The following ADCY2 variants were observed in gnomAD, a reference collection of about 807,000 sequenced individuals.
ADCY2 encodes adenylate cyclase 2.
Under a neutral mutation model 125.2 loss-of-function variants are expected in ADCY2, and 31 were observed. The ratio of observed to expected loss-of-function variants is 0.25; its 90% CI spans 0.19 to 0.33. ADCY2 has a LOEUF of 0.33. ADCY2 is among the 10% of genes least tolerant of loss of function. ADCY2 has a pLI of 1.00. For missense variants in ADCY2, 904 were observed against 1,418.2 expected (o/e 0.64, Z 5.82); for synonymous variants, 512 against 548.4 (o/e 0.93, Z 0.93).
intron 18 of ADCY2, among the ~76,000 whole-genome samples, chr5:7,777,307 C>A (rs1453396245): frequency 1.3e-5 from 2 of 152,180 alleles, no homozygotes; most frequent in African/African-American, 4.8e-5. Flanking sequence ...TCTTCTGAAT[C>A]ATGCAGAAGA....
intron 2 of ADCY2, among the ~76,000 whole-genome samples, chr5:7,437,352 G>A (rs1397068376): frequency 2.0e-5 from 3 of 152,164 alleles, no homozygotes; most frequent in Admixed American, 2.0e-4. Flanking sequence ...GCCCCTGCAG[G>A]AGGAAAAATT....
At chr5:7,735,176 G>A (rs543701222) in intron 14 of ADCY2, among the ~76,000 whole-genome samples, 191 of 152,268 alleles carry the variant, frequency 1.3e-3, no homozygotes, top group African/African-American at 4.3e-3. Flanking sequence ...ATACTGAAGA[G>A]CCTGAAGTTG....
At chr5:7,752,273 C>T (rs1010840444) in intron 15 of ADCY2, among the ~76,000 whole-genome samples, 2 of 152,226 alleles carry the variant, frequency 1.3e-5, no homozygotes, top group Non-Finnish European at 2.9e-5. Flanking sequence ...ATTGCTCCGG[C>T]TTATTCCTGC....
chr5:7,693,413 G>GTTTTTTTTTTTTTTTTT (rs70940751), intron 5 of ADCY2, among the ~76,000 whole-genome samples: 23 of 32,398 alleles, frequency 7.1e-4, no homozygotes, highest in Non-Finnish European at 1.4e-3. Context: ...GCTGTTTTTT[G>GTTTTTTTTTTTTTTTTT]TTTTTTTTTT....
chr5:7,588,816 G>T lies in ADCY2; in HGVS notation c.571-37351G>T, dbSNP rs138496081. Among the ~76,000 whole-genome samples, 590 of 152,300 alleles carry T rather than the reference G, an allele frequency of 3.9e-3. 5 individuals carry two copies. The highest frequency in any genetic ancestry group is 0.024 in the Middle Eastern group (7 of 294). On this transcript the variant is annotated intron_variant, in intron 3 of 24. Coordinates refer to ENST00000338316, the MANE Select transcript of ADCY2 (RefSeq NM_020546.3). ...TGGGCTGTACAAAAACAAGCTGCAG[G>T]ACTGATTTGGCCTGCAGTTTGTAGT...
chr5:7,696,470 C>A (rs1263275753), intron 6 of ADCY2, among the ~76,000 whole-genome samples: 1 of 152,122 alleles, frequency 6.6e-6, no homozygotes, highest in Non-Finnish European at 1.5e-5. Flanking sequence ...CCACACTAGA[C>A]CCTATTATTT....
At chr5:7,579,634 A>G (rs1252792108) in intron 3 of ADCY2, among the ~76,000 whole-genome samples, 1 of 152,196 alleles carries the variant, frequency 6.6e-6, no homozygotes, top group Non-Finnish European at 1.5e-5. Context: ...CAAAACAATC[A>G]ATATTCTCCA....
chr5:7,424,688 A>G (rs745570123), intron 2 of ADCY2, among the ~76,000 whole-genome samples: 4 of 152,196 alleles, frequency 2.6e-5, no homozygotes, highest in Non-Finnish European at 4.4e-5. Flanking sequence ...TGATATTTCC[A>G]TTTGGAGGTA....
At chr5:7,734,572 G>A (rs1742192288) in intron 14 of ADCY2, among the ~76,000 whole-genome samples, 1 of 152,024 alleles carries the variant, frequency 6.6e-6, no homozygotes, top group African/African-American at 2.4e-5. Context: ...TATGCTTCAG[G>A]GTTAAAAAGA....
chr5:7,458,331 G>C (rs1465119189), intron 2 of ADCY2, among the ~76,000 whole-genome samples: 1 of 152,098 alleles, frequency 6.6e-6, no homozygotes, highest in Non-Finnish European at 1.5e-5. Flanking sequence ...TGAGAGTAAT[G>C]AACAGTTTTG....
chr5:7,753,470 T>G (rs1286671867), intron 15 of ADCY2, among the ~76,000 whole-genome samples: 1 of 152,246 alleles, frequency 6.6e-6, no homozygotes, highest in African/African-American at 2.4e-5. Context: ...TTTCTCATTT[T>G]CAGTTGAATA....
At chr5:7,425,189 G>T (rs569402605) in intron 2 of ADCY2, among the ~76,000 whole-genome samples, 48 of 152,312 alleles carry the variant, frequency 3.2e-4, no homozygotes, top group African/African-American at 1.2e-3. Flanking sequence ...GGTGTGAGTG[G>T]GGTCTGGGAT....
Position 7,633,160 on chromosome 5 carries a change from G to T in ADCY2, c.720+6844G>T, listed in dbSNP as rs144483461. 7.3e-3 allele frequency among the ~76,000 whole-genome samples: 1,107 copies of T among 152,170 alleles called. 10 individuals are homozygous for T. The highest frequency in any genetic ancestry group is 0.025 in the African/African-American group (1,042 of 41,512). On this transcript the variant is annotated intron_variant, in intron 4 of 24. Transcript: ENST00000338316. ...AAAATGGACATTTTGGCAGGGCGCG[G>T]TGGCTCATGCCTGTAATCCCAGCAC...
At chr5:7,582,419 T>A (rs1451051139) in intron 3 of ADCY2, among the ~76,000 whole-genome samples, 1 of 152,170 alleles carries the variant, frequency 6.6e-6, no homozygotes, top group Non-Finnish European at 1.5e-5. Flanking sequence ...TCGACTCATT[T>A]TATGAGGCCA....
chr5:7,441,927 C>T (rs546742128), intron 2 of ADCY2, among the ~76,000 whole-genome samples: 78 of 152,246 alleles, frequency 5.1e-4, no homozygotes, highest in Non-Finnish European at 9.0e-4. Context: ...TCCACCAGCC[C>T]GCCCTCGTCA....
chr5:7,496,394 C>T (rs1466013178), intron 2 of ADCY2, among the ~76,000 whole-genome samples: 1 of 152,072 alleles, frequency 6.6e-6, no homozygotes. Flanking sequence ...TAACACTGTA[C>T]TTAACCAAGC....
intron 17 of ADCY2, among the ~76,000 whole-genome samples, chr5:7,771,571 G>C (rs1042634287): frequency 2.6e-5 from 4 of 152,098 alleles, no homozygotes; most frequent in Non-Finnish European, 5.9e-5. Context: ...ACTCATTCCT[G>C]CTTGAGTGCC....
At chr5:7,808,947 C>T (rs1384412593) in intron 22 of ADCY2, among the ~76,000 whole-genome samples, 1 of 152,228 alleles carries the variant, frequency 6.6e-6, no homozygotes, top group Admixed American at 6.5e-5. Flanking sequence ...AAGAGCATGA[C>T]TATCAAATGA....
chr5:7,763,051 T>TTTG (rs1560962798), intron 16 of ADCY2, among the ~76,000 whole-genome samples: 4,510 of 150,610 alleles, frequency 0.03, 72 homozygotes, highest in Middle Eastern at 0.051. Context: ...TCTTTGTTTT[T>TTTG]TTTGTTTGTT....
Sources: gnomAD v4.1 joint callset for allele counts (sites outside exome capture counted in the v4.1 genomes callset) on GRCh38, gnomAD v4.1.1 for gene constraint, MANE v1.5 for transcripts, NCBI Gene and HGNC (gene_info 2026-07-23, HGNC 2026-07-21) for gene names.